The following BAHCC1 variants were observed in gnomAD, a reference collection of about 807,000 sequenced individuals.
BAHCC1 encodes the protein BAH domain and coiled-coil containing 1, also known as BAH and coiled-coil domain-containing protein 1.
BAHCC1 carries 43 observed loss-of-function variants against 88.2 expected under a neutral mutation model. The ratio of observed to expected loss-of-function variants is 0.49; its 90% CI spans 0.38 to 0.63. The LOEUF is 0.63. BAHCC1 is among the 20% of genes least tolerant of loss of function. The pLI is 0.00. For synonymous variants in BAHCC1, 1,510 were observed against 745.5 expected (o/e 2.03, Z -16.71); for missense variants, 3,023 against 1,654.8 (o/e 1.83, Z -14.34).
chr17:81,415,965 A>G (rs574584867), intron 2 of BAHCC1, among the ~76,000 whole-genome samples: 84 of 150,770 alleles, frequency 5.6e-4, no homozygotes, highest in African/African-American at 2.0e-3. Flanking sequence ...GCTGGGAAAC[A>G]ATGTGTGCGT....
chr17:81,460,891 T>G lies in BAHCC1; in HGVS notation c.6228T>G (p.Gly2076=), dbSNP rs782332219. The change falls in exon 26 of 28, where the codon GGT becomes GGG. Residue 2076 remains glycine, a synonymous_variant. Transcript: ENST00000675386. ...KAGKAELLTS[G]AKSPTGASDH... is the part of the protein sequence containing the mutation. ...GTAAAGCCGAACTCCTAACCTCAGG[T>G]GCCAAATCCCCCACGGGGGCCTCCG... 1 of 766,920 alleles carries G rather than the reference T, an allele frequency of 1.3e-6. No homozygotes were observed. Among genetic ancestry groups the G allele is most frequent in the South Asian group, 1.3e-5 (1 of 74,618 alleles). The allele number at this position is 766,920 out of a possible 1,614,324, so 47.5% of individuals were successfully genotyped here.
Position 81,463,925 on chromosome 17 carries a change from C to T in BAHCC1, c.*108C>T, listed in dbSNP as rs1555660164. On this transcript the variant is annotated 3_prime_UTR_variant, in exon 28 of 28. Transcript: ENST00000675386. ...CAGCCCCGGCCTCCCAAGGGCGCAT[C>T]TGAGCAAATATGCAAAAGCCCACAG... 1 of 661,800 alleles carries T rather than the reference C, an allele frequency of 1.5e-6. No individual in the cohort carries two copies. Among genetic ancestry groups the T allele is most frequent in the African/African-American group, 1.8e-5 (1 of 55,982 alleles). The allele number at this position is 661,800 out of a possible 1,614,324, so 41.0% of individuals were successfully genotyped here.
At chr17:81,429,750 C>T (rs1382307579) in intron 3 of BAHCC1, among the ~76,000 whole-genome samples, 1 of 152,196 alleles carries the variant, frequency 6.6e-6, no homozygotes, top group Non-Finnish European at 1.5e-5. Context: ...GCCAGCTTGC[C>T]ACCCCCTCCC....
chr17:81,420,188 T>C (rs1433963915), intron 2 of BAHCC1, among the ~76,000 whole-genome samples: 2 of 152,206 alleles, frequency 1.3e-5, no homozygotes, highest in African/African-American at 2.4e-5. Flanking sequence ...GCCCAGCATG[T>C]GTTGCCCTTC....
At chr17:81,413,767 T>C (rs1000922063) in intron 2 of BAHCC1, among the ~76,000 whole-genome samples, 1 of 152,202 alleles carries the variant, frequency 6.6e-6, no homozygotes. Context: ...TGGCCTGTCA[T>C]GGGCACTCAG....
Position 81,459,187 on chromosome 17 carries a change from G to GGGGCA in BAHCC1, c.5720+28_5720+32dup, listed in dbSNP as rs781838775. On this transcript the variant is annotated intron_variant, in intron 21 of 27. Transcript: ENST00000675386. ...CCGACATGTGAGGCCTGGGCATGGT[G>GGGGCA]GGGCAGGGCAGGGGCCTGGAGGGCA... is the stretch of plus-strand genomic sequence containing the variant. 2.6e-6 allele frequency: 2 copies of GGGGCA among 768,408 alleles called. No homozygotes were observed. The highest frequency in any genetic ancestry group is 4.9e-6 in the Non-Finnish European group (2 of 411,978). 47.6% of individuals were successfully genotyped at this position (768,408 alleles called of 1,614,324 possible). A position where few individuals can be genotyped will look rare whatever the true frequency, so the allele number is the denominator to read the frequency against.
At chr17:81,433,300 C>T (rs567424044) in intron 3 of BAHCC1, among the ~76,000 whole-genome samples, 18 of 152,116 alleles carry the variant, frequency 1.2e-4, no homozygotes, top group Non-Finnish European at 2.4e-4. Flanking sequence ...GGTGAGGGGC[C>T]GTGTGTGGGA....
In BAHCC1 at chr17:81,437,337, A is replaced by C. The variant is rs375167557; in HGVS notation, c.359-1033A>C. ...CACTGGCACCACCTGCACTGCACGG[A>C]GGGCTGGGGCTGGGGCTGGGCGGGT... is the stretch of plus-strand genomic sequence containing the variant. On this transcript the variant is annotated intron_variant, in intron 3 of 27. Transcript: ENST00000675386. 4.6e-5 allele frequency among the ~76,000 whole-genome samples: 7 copies of C among 152,154 alleles called. No homozygotes were observed. The East Asian group carries it at 9.6e-4, about 21-fold the overall frequency.
intron 26 of BAHCC1, among the ~76,000 whole-genome samples, chr17:81,462,359 C>T (rs1555659756): frequency 6.6e-6 from 1 of 152,206 alleles, no homozygotes; most frequent in South Asian, 2.1e-4. Context: ...AGCTGGAGAG[C>T]TGTGTATCCC....
In BAHCC1 at chr17:81,443,195, G is replaced by A; in HGVS notation, c.1846G>A (p.Ala616Thr). Residue 616 changes from alanine to threonine, a missense_variant, in exon 5 of 28, where the codon GCG becomes ACG. Physicochemically the swap from Ala to Thr is moderately conservative, Grantham distance 58 (BLOSUM62 0). Transcript: ENST00000675386. ...LDPFGSGLQQ[A>T]ALLPQELPAP... is the part of the protein sequence containing the mutation. ...CCCCTTTGGCAGTGGCCTGCAGCAG[G>A]CGGCTCTTCTGCCCCAGGAACTGCC... 1 of 779,292 alleles carries A rather than the reference G, an allele frequency of 1.3e-6. No homozygotes were observed. Among genetic ancestry groups the A allele is most frequent in the Non-Finnish European group, 2.4e-6 (1 of 417,844 alleles). 48.3% of individuals were successfully genotyped at this position (779,292 alleles called of 1,614,324 possible). A position where few individuals can be genotyped will look rare whatever the true frequency, so the allele number is the denominator to read the frequency against.
intron 10 of BAHCC1, among the ~76,000 whole-genome samples, chr17:81,446,129 G>A (rs960669162): frequency 1.2e-4 from 18 of 151,478 alleles, no homozygotes; most frequent in African/African-American, 2.2e-4. Context: ...CCTGCCACCC[G>A]CCCATCCACT....
At chr17:81,403,137 A>AGT (rs1216093323) in intron 2 of BAHCC1, among the ~76,000 whole-genome samples, 3 of 151,952 alleles carry the variant, frequency 2.0e-5, no homozygotes, top group Non-Finnish European at 2.9e-5. Flanking sequence ...CTCTGCTGGG[A>AGT]GTGTGTGTGT....
intron 2 of BAHCC1, among the ~76,000 whole-genome samples, chr17:81,418,794 T>C (rs1196120600): frequency 6.3e-3 from 117 of 18,642 alleles, no homozygotes; most frequent in African/African-American, 0.012. Flanking sequence ...TGTACGTGTG[T>C]GCGTGTGTGT....
intron 2 of BAHCC1, among the ~76,000 whole-genome samples, chr17:81,408,495 C>T (rs1167908864): frequency 3.3e-5 from 5 of 151,438 alleles, no homozygotes; most frequent in African/African-American, 9.7e-5. Context: ...CCCTGCCTGG[C>T]CCTTTACTTG....
At chr17:81,423,355 C>G (rs1555649838) in intron 2 of BAHCC1, among the ~76,000 whole-genome samples, 1 of 152,208 alleles carries the variant, frequency 6.6e-6, no homozygotes, top group Non-Finnish European at 1.5e-5. Flanking sequence ...CCCCGCCGCC[C>G]CCCTTGCCCC....
At chr17:81,398,610 C>G (rs1476292403) in intron 1 of BAHCC1, among the ~76,000 whole-genome samples, 3 of 152,310 alleles carry the variant, frequency 2.0e-5, no homozygotes, top group African/African-American at 7.2e-5. Flanking sequence ...GAAAGCACCC[C>G]CCCCACACAC....
In BAHCC1 at chr17:81,426,827, C is replaced by T. The variant is rs917672368; in HGVS notation, c.206C>T (p.Pro69Leu). ...TASSRLMGSS[P>L]ASSFMGSFLT... ...AGCAGCCGCCTGATGGGAAGTTCTC[C>T]GGCCTCCTCGTTCATGGGCAGTTTC... The change falls in exon 3 of 28, where the codon CCG becomes CTG. Residue 69 changes from proline (P) to leucine (L), a missense_variant. Pro to Leu is a moderately conservative substitution (Grantham distance 98). Coordinates refer to ENST00000675386, the MANE Select transcript of BAHCC1 (RefSeq NM_001377448.1). The T allele has an allele frequency of 2.8e-5, 11 of 399,128 alleles. No individual in the cohort carries two copies. The highest frequency in any genetic ancestry group is 6.3e-4 in the Middle Eastern group (1 of 1,592). The allele number at this position is 399,128 out of a possible 1,614,324, so 24.7% of individuals were successfully genotyped here. A position where few individuals can be genotyped will look rare whatever the true frequency, so the allele number is the denominator to read the frequency against.
Position 81,460,444 on chromosome 17 carries a change from T to C in BAHCC1, c.6025+48T>C, listed in dbSNP as rs187615574. 48 of 730,420 alleles carry C rather than the reference T, an allele frequency of 6.6e-5. No homozygotes were observed. In the Admixed American group the frequency reaches 7.4e-4, roughly 11 times the overall value. 45.2% of individuals were successfully genotyped at this position (730,420 alleles called of 1,614,324 possible). Reference sequence around the variant, plus strand: ...GCAGGGCCCTGCCTGGGCTCCACTGTGTCCAGACGGGCTCCCAAGGAAGGG... The same window carrying C: ...GCAGGGCCCTGCCTGGGCTCCACTGCGTCCAGACGGGCTCCCAAGGAAGGG... On this transcript the variant is annotated intron_variant, in intron 24 of 27. Transcript: ENST00000675386.
intron 2 of BAHCC1, among the ~76,000 whole-genome samples, chr17:81,415,323 A>T (rs960445418): frequency 1.3e-5 from 2 of 152,056 alleles, no homozygotes; most frequent in African/African-American, 2.4e-5. Flanking sequence ...CCTGGAGGGG[A>T]GTTCCAAGGG....
Sources: allele counts gnomAD v4.1 joint callset (sites outside exome capture counted in the v4.1 genomes callset), GRCh38; gene constraint gnomAD v4.1.1; transcripts MANE v1.5; gene names NCBI Gene and HGNC (gene_info 2026-07-23, HGNC 2026-07-21).